IL33: variants seen among roughly 807,000 people sequenced by gnomAD.
IL33 encodes the protein interleukin-33.
Under a neutral mutation model 27.3 loss-of-function variants are expected in IL33, and 37 were observed. The observed-to-expected ratio is 1.36, with a 90% CI of 1.04 to 1.78. The LOEUF (loss-of-function observed/expected upper bound fraction) is 1.78. Among genes scored for constraint, IL33 ranks in the 40% most tolerant of loss-of-function variants. IL33 has a pLI of 0.00. For missense variants in IL33, 406 were observed against 311.4 expected (o/e 1.30, Z -2.29); for synonymous variants, 132 against 102.9 (o/e 1.28, Z -1.71).
At chr9:6,245,300 C>A (rs1211176113) in intron 2 of IL33, among the ~76,000 whole-genome samples, 1 of 152,084 alleles carries the variant, frequency 6.6e-6, no homozygotes, top group Non-Finnish European at 1.5e-5. Flanking sequence ...TGTATAGTTT[C>A]TCTAAAAAAA....
chr9:6,256,161 A>C lies in IL33; in HGVS notation c.806A>C (p.Glu269Ala). 2 of 1,612,456 alleles carry C rather than the reference A, an allele frequency of 1.2e-6. No individual in the cohort carries two copies. Among genetic ancestry groups the C allele is most frequent in the Non-Finnish European group, 1.7e-6 (2 of 1,178,828 alleles). ...CTENILFKLSET is the reference protein window; with the variant it reads ...CTENILFKLSAT ...GAAAATATCTTGTTTAAGCTCTCTG[A>C]AACTTAGTTGATGGAAACCTGTGAG... Residue 269 changes from glutamate (E) to alanine (A), a missense_variant, in exon 8 of 8, where the codon GAA becomes GCA. Physicochemically the swap from Glu to Ala is moderately radical, Grantham distance 107 (BLOSUM62 -1). Transcript: ENST00000682010.
In IL33 at chr9:6,244,307, T is replaced by C. The variant is rs1587650079; in HGVS notation, c.91+2522T>C. ...TAATTGGCCCTTAACAGATCTTTCT[T>C]TCCAATAATATTGGCTCAGTTAAAT... On this transcript the variant is annotated intron_variant, in intron 2 of 7. Coordinates refer to ENST00000682010, the MANE Select transcript of IL33 (RefSeq NM_033439.4). 1.3e-5 allele frequency among the ~76,000 whole-genome samples: 2 copies of C among 152,308 alleles called. 1 individual carries two copies. The highest frequency in any genetic ancestry group is 6.8e-3 in the Middle Eastern group (2 of 294).
intron 1 of IL33, among the ~76,000 whole-genome samples, chr9:6,226,623 T>C (rs149043236): frequency 2.6e-4 from 39 of 152,366 alleles, no homozygotes; most frequent in African/African-American, 2.6e-4. Flanking sequence ...AATTGAACCA[T>C]TGAGTTTTAA....
upstream of IL33, among the ~76,000 whole-genome samples, chr9:6,215,258 A>C (rs1395052996): frequency 6.6e-6 from 1 of 152,236 alleles, no homozygotes; most frequent in Non-Finnish European, 1.5e-5. Context: ...TTTGTGATAA[A>C]GTATTATCTT....
intron 4 of IL33, 143 bp downstream of exon 4, chr9:6,251,408 C>A: frequency 8.3e-7 from 1 of 1,197,894 alleles, no homozygotes. Flanking sequence ...CTGATGTACC[C>A]ATCTAATAGT....
chr9:6,241,305 G>T (rs1412426207), intron 1 of IL33, among the ~76,000 whole-genome samples: 1 of 152,156 alleles, frequency 6.6e-6, no homozygotes, highest in African/African-American at 2.4e-5. Flanking sequence ...ATGCATGATT[G>T]TATGTGCTAT....
At chr9:6,224,064 T>C (rs895938598) in intron 1 of IL33, among the ~76,000 whole-genome samples, 11 of 152,310 alleles carry the variant, frequency 7.2e-5, no homozygotes, top group African/African-American at 1.9e-4. Flanking sequence ...CAACCCCTTC[T>C]CTTGGTCCTA....
intron 1 of IL33, among the ~76,000 whole-genome samples, chr9:6,230,695 G>A (rs1818885637): frequency 1.3e-5 from 2 of 151,936 alleles, no homozygotes; most frequent in South Asian, 4.2e-4. Flanking sequence ...GATTCCACTG[G>A]TATTGCTTCC....
At position 6,241,668 on chromosome 9, in the gene IL33, T is replaced by C. The variant is rs370903326; in HGVS notation, c.-11-16T>C. On this transcript the variant is annotated splice_polypyrimidine_tract_variant and intron_variant, in intron 1 of 7. Coordinates refer to ENST00000682010, the MANE Select transcript of IL33 (RefSeq NM_033439.4). ...AGTTGAGACAAATGAACTAATATTA[T>C]ATTTTAATCCAACAGAATACTGAAA... is the stretch of plus-strand genomic sequence containing the variant. The C allele has an allele frequency of 6.7e-7, 1 of 1,481,782 alleles. No homozygotes were observed. The highest frequency in any genetic ancestry group is 2.3e-5 in the East Asian group (1 of 42,848). 91.8% of individuals were successfully genotyped at this position (1,481,782 alleles called of 1,614,324 possible). A position where few individuals can be genotyped will look rare whatever the true frequency, so the allele number is the denominator to read the frequency against.
At chr9:6,251,061 C>G in intron 3 of IL33, 79 bp from the exon 4 acceptor site, 1 of 1,550,602 alleles carries the variant, frequency 6.4e-7, no homozygotes, top group Non-Finnish European at 8.7e-7. Context: ...CAGCAAGCAG[C>G]CTTAACTGGG....
intron 2 of IL33, among the ~76,000 whole-genome samples, chr9:6,248,172 A>C (rs1819977275): frequency 6.6e-6 from 1 of 152,030 alleles, no homozygotes; most frequent in African/African-American, 2.4e-5. Context: ...TTTCCACCAA[A>C]ACTCATGCTA....
At chr9:6,241,370 A>C (rs1233374890) in intron 1 of IL33, among the ~76,000 whole-genome samples, 1 of 152,220 alleles carries the variant, frequency 6.6e-6, no homozygotes, top group African/African-American at 2.4e-5. Context: ...CACCACAAAC[A>C]CGCAAGTAAT....
chr9:6,219,327 G>A (rs1818313584), intron 1 of IL33, among the ~76,000 whole-genome samples: 1 of 151,892 alleles, frequency 6.6e-6, no homozygotes, highest in Non-Finnish European at 1.5e-5. Context: ...CACAACCTTA[G>A]TGGGCCTCAA....
Position 6,251,135 on chromosome 9 carries a change from T to C in IL33, c.218-5T>C. ...GGTCTATCCCTAATCCCATCCGGTC[T>C]GCAGGTAGAAAGCACAAAAGACATC... On this transcript the variant is annotated splice_region_variant and splice_polypyrimidine_tract_variant and intron_variant, in intron 3 of 7. Coordinates refer to ENST00000682010, the MANE Select transcript of IL33 (RefSeq NM_033439.4). 6.2e-7 allele frequency: 1 copy of C among 1,613,434 alleles called. No homozygotes were observed. The highest frequency in any genetic ancestry group is 8.5e-7 in the Non-Finnish European group (1 of 1,179,572).
At chr9:6,218,457 A>G (rs528567371) in intron 1 of IL33, among the ~76,000 whole-genome samples, 79 of 152,066 alleles carry the variant, frequency 5.2e-4, no homozygotes, top group African/African-American at 1.7e-3. Context: ...TTTCCCAGTG[A>G]TTAAGGAAAT....
intron 6 of IL33, 112 bp from the exon 7 acceptor site, chr9:6,254,350 G>T (rs1379050652): frequency 1.7e-6 from 1 of 586,152 alleles, no homozygotes; most frequent in Non-Finnish European, 2.8e-6. Flanking sequence ...GTTAGTGAAT[G>T]AAGTAATTAT....
chr9:6,237,822 G>C (rs1819315333), intron 1 of IL33, among the ~76,000 whole-genome samples: 1 of 151,996 alleles, frequency 6.6e-6, no homozygotes, highest in African/African-American at 2.4e-5. Flanking sequence ...AGTATCTTTG[G>C]GTAGAAGAGA....
chr9:6,250,122 A>G (rs1027318128), intron 2 of IL33, among the ~76,000 whole-genome samples: 3 of 152,140 alleles, frequency 2.0e-5, no homozygotes, highest in Non-Finnish European at 4.4e-5. Flanking sequence ...TTGACAGCAA[A>G]ATATGACCTA....
chr9:6,233,807 A>G (rs1301948928), intron 1 of IL33, among the ~76,000 whole-genome samples: 1 of 152,088 alleles, frequency 6.6e-6, no homozygotes, highest in Admixed American at 6.5e-5. Context: ...TCTCCACACT[A>G]CTGTGTAAAG....
Sources: allele counts gnomAD v4.1 joint callset (sites outside exome capture counted in the v4.1 genomes callset), GRCh38; gene constraint gnomAD v4.1.1; transcripts MANE v1.5; gene names NCBI Gene and HGNC (gene_info 2026-07-23, HGNC 2026-07-21).